The following MTR variants were observed in gnomAD, a reference collection of about 807,000 sequenced individuals.
The protein encoded by MTR is methionine synthase.
Under a neutral mutation model 154.8 loss-of-function variants are expected in MTR, and 84 were observed. The ratio of observed to expected loss-of-function variants is 0.54; its 90% CI spans 0.45 to 0.65. The LOEUF (loss-of-function observed/expected upper bound fraction) is 0.65, where lower values mean the gene tolerates loss of function less well. Ranked by LOEUF, MTR falls within the 30% of genes least tolerant of loss-of-function variation. MTR has a pLI of 0.00. For missense variants in MTR, 1,275 were observed against 1,570.2 expected, an observed-to-expected ratio of 0.81 and a Z score of 3.18; for synonymous variants, 554 against 553.9, an observed-to-expected ratio of 1.00 and a Z score of 0.00.
At chr1:236,812,706 C>G (rs1661374798) in intron 5 of MTR, 32 bp from the exon 6 acceptor site, 1 of 1,567,884 alleles carries the variant, frequency 6.4e-7, no homozygotes, top group African/African-American at 1.4e-5. Context: ...ATATTGATGA[C>G]TGATGTGCTG....
At chr1:236,814,527 C>G (rs1422228958) in intron 6 of MTR, among the ~76,000 whole-genome samples, 1 of 152,144 alleles carries the variant, frequency 6.6e-6, no homozygotes, top group Non-Finnish European at 1.5e-5. Flanking sequence ...GAATCGAGAG[C>G]TAACTTTTTT....
intron 25 of MTR, 31 bp downstream of exon 25, chr1:236,880,867 A>T: frequency 1.9e-6 from 3 of 1,575,690 alleles, no homozygotes; most frequent in Non-Finnish European, 2.6e-6. Context: ...TTTATTCCAG[A>T]TGTGTTGGAA....
rs534378806 is a variant in MTR, at chr1:236,895,338, C to T, written c.3406-20C>T. ...AGCCCCTGCGTCTGCCTAAGCATGC[C>T]TGCTGCTTTGGGTCCCAAGGCCTTT... On this transcript the variant is annotated intron_variant, in intron 30 of 32. Transcript: ENST00000366577. 1.3e-6 allele frequency: 2 copies of T among 1,580,540 alleles called. No individual in the cohort carries two copies. Among genetic ancestry groups the T allele is most frequent in the African/African-American group, 2.7e-5 (2 of 74,612 alleles).
At chr1:236,858,938 A>G (rs1482452478) in intron 18 of MTR, among the ~76,000 whole-genome samples, 1 of 152,126 alleles carries the variant, frequency 6.6e-6, no homozygotes, top group Non-Finnish European at 1.5e-5. Context: ...GCTTACGATA[A>G]CCATTCCTTC....
intron 22 of MTR, among the ~76,000 whole-genome samples, chr1:236,865,271 TC>T (rs1279301190): frequency 6.6e-6 from 1 of 152,258 alleles, no homozygotes; most frequent in Non-Finnish European, 1.5e-5. Flanking sequence ...AACGTTACTT[TC>T]ATTTTACAAA....
intron 2 of MTR, among the ~76,000 whole-genome samples, chr1:236,804,413 AT>A (rs1449268695): frequency 2.0e-5 from 3 of 152,250 alleles, no homozygotes; most frequent in African/African-American, 7.2e-5. Flanking sequence ...TACAATTATC[AT>A]TCATGTATTT....
intron 21 of MTR, among the ~76,000 whole-genome samples, chr1:236,863,154 A>G (rs536460981): frequency 7.2e-5 from 11 of 152,156 alleles, no homozygotes; most frequent in Non-Finnish European, 1.6e-4. Context: ...AACATTTGTC[A>G]AATAAGTTCC....
chr1:236,800,150 T>G (rs1041167026), intron 1 of MTR: 5 of 985,272 alleles, frequency 5.1e-6, no homozygotes, highest in Admixed American at 1.2e-4. Context: ...GTGGTTAGAT[T>G]TGCTCAACTT....
chr1:236,843,941 G>A (rs998689976), intron 15 of MTR, among the ~76,000 whole-genome samples: 1 of 152,210 alleles, frequency 6.6e-6, no homozygotes, highest in Non-Finnish European at 1.5e-5. Flanking sequence ...AGTCTGGCTT[G>A]AAGATAGGAT....
chr1:236,879,239 A>G, intron 24 of MTR, among the ~76,000 whole-genome samples: 1 of 152,208 alleles, frequency 6.6e-6, no homozygotes, highest in East Asian at 1.9e-4. Context: ...TCTAACCCCC[A>G]TAACCAGTGT....
intron 8 of MTR, among the ~76,000 whole-genome samples, chr1:236,823,292 G>C (rs1662082714): frequency 6.6e-6 from 1 of 152,178 alleles, no homozygotes; most frequent in Non-Finnish European, 1.5e-5. Flanking sequence ...TATACTTACA[G>C]TTTAGCATCC....
intron 12 of MTR, 123 bp from the exon 13 acceptor site, chr1:236,831,843 C>G: frequency 1.4e-6 from 1 of 730,896 alleles, no homozygotes; most frequent in East Asian, 2.7e-5. Flanking sequence ...ATTGGATCTC[C>G]TATCTGCTCA....
At position 236,795,747 on chromosome 1, in the gene MTR, C is replaced by G. The variant is rs376679817; in HGVS notation, c.34+10C>G. 3 of 1,614,138 alleles carry G rather than the reference C, an allele frequency of 1.9e-6. No homozygotes were observed. The highest frequency in any genetic ancestry group is 2.2e-5 in the South Asian group (2 of 91,088). ...GACCTGTCGCAACCCGGTAACGCTG[C>G]GACCCCGTCTGCGTGGTTGGGTTGT... On this transcript the variant is annotated intron_variant, in intron 1 of 32. Coordinates refer to ENST00000366577, the MANE Select transcript of MTR (RefSeq NM_000254.3).
chr1:236,875,993 A>AT (rs1488028383), intron 24 of MTR, among the ~76,000 whole-genome samples: 1 of 152,170 alleles, frequency 6.6e-6, no homozygotes, highest in Non-Finnish European at 1.5e-5. Context: ...TGGGGAGTGA[A>AT]TAAGGGACTC....
chr1:236,847,804 A>C (rs1160080404), intron 15 of MTR, among the ~76,000 whole-genome samples: 1 of 152,230 alleles, frequency 6.6e-6, no homozygotes, highest in Non-Finnish European at 1.5e-5. Flanking sequence ...GTAATGTGCA[A>C]CCAGAGTTGA....
intron 8 of MTR, among the ~76,000 whole-genome samples, chr1:236,822,603 C>T (rs1662033666): frequency 6.6e-6 from 1 of 152,106 alleles, no homozygotes; most frequent in South Asian, 2.1e-4. Context: ...AGCCACTGTG[C>T]CTGTCCTGTG....
At chr1:236,886,212 C>T (rs2147922195) in intron 26 of MTR, 80 bp from the exon 27 acceptor site, 3 of 1,128,580 alleles carry the variant, frequency 2.7e-6, no homozygotes, top group Middle Eastern at 4.2e-4. Flanking sequence ...AGCTTACATA[C>T]TGGCCTTCTT....
chr1:236,861,410 C>A, intron 20 of MTR, 133 bp downstream of exon 20: 1 of 1,320,946 alleles, frequency 7.6e-7, no homozygotes, highest in Non-Finnish European at 1.1e-6. Flanking sequence ...CATTCCTTCT[C>A]TAAATATGTT....
intron 23 of MTR, 85 bp from the exon 24 acceptor site, chr1:236,874,641 T>A (rs1384262563): frequency 6.7e-6 from 8 of 1,199,150 alleles, no homozygotes; most frequent in South Asian, 4.4e-5. Context: ...CAAAGTTTTT[T>A]AAATGGATCT....
Sources: allele counts gnomAD v4.1 joint callset (sites outside exome capture counted in the v4.1 genomes callset), GRCh38; gene constraint gnomAD v4.1.1; transcripts MANE v1.5; gene names NCBI Gene and HGNC (gene_info 2026-07-23, HGNC 2026-07-21).